The following ZBTB10 variants were observed in gnomAD, a reference collection of about 807,000 sequenced individuals.
ZBTB10 encodes zinc finger and BTB domain containing 10.
ZBTB10 carries 32 observed loss-of-function variants against 76.4 expected under a neutral mutation model. The ratio of observed to expected loss-of-function variants is 0.42; its 90% CI spans 0.32 to 0.56. ZBTB10 has a LOEUF of 0.56. Ranked by LOEUF, ZBTB10 falls within the 20% of genes least tolerant of loss-of-function variation. The pLI, the probability that ZBTB10 is intolerant of heterozygous loss-of-function variation, is 0.14. For missense variants in ZBTB10, 1,057 were observed against 1,098.5 expected, an observed-to-expected ratio of 0.96 and a Z score of 0.53; for synonymous variants, 523 against 432.9, an observed-to-expected ratio of 1.21 and a Z score of -2.58.
chr8:80,511,698 A>G (rs1048677786), intron 2 of ZBTB10, among the ~76,000 whole-genome samples: 1 of 152,162 alleles, frequency 6.6e-6, no homozygotes, highest in Non-Finnish European at 1.5e-5. Context: ...AAACCACTAA[A>G]TTTCAATTAA....
In ZBTB10 at chr8:80,487,188, A is replaced by AGGCGGC. The variant is rs756056859; in HGVS notation, c.387_392dup (p.Gly131_Gly132dup). The AGGCGGC allele has an allele frequency of 3.3e-6, 5 of 1,523,736 alleles. No homozygotes were observed. The highest frequency in any genetic ancestry group is 2.8e-5 in the African/African-American group (2 of 70,430). The allele number at this position is 1,523,736 out of a possible 1,614,324, so 94.4% of individuals were successfully genotyped here. A position where few individuals can be genotyped will look rare whatever the true frequency, so the allele number is the denominator to read the frequency against. On this transcript the variant is annotated inframe_insertion, in exon 1 of 6. Coordinates refer to ENST00000455036, the MANE Select transcript of ZBTB10 (RefSeq NM_001105539.3). ...GGAACCGTCGGACTCTGGCCTTCCG[A>AGGCGGC]GGCGGCGGCGGCGGGGGTCTCGGCA...
chr8:80,515,195 C>G (rs565238473), intron 3 of ZBTB10, among the ~76,000 whole-genome samples: 1 of 152,186 alleles, frequency 6.6e-6, no homozygotes, highest in South Asian at 2.1e-4. Flanking sequence ...TATGAGCATG[C>G]ATGTTTCTAA....
At chr8:80,486,182 G>A, upstream of ZBTB10, 1 of 1,147,180 alleles carries the variant, frequency 8.7e-7, no homozygotes, top group Non-Finnish European at 1.1e-6. Context: ...CCCTCCAGCG[G>A]TTACTGCTAC....
chr8:80,513,068 T>C (rs760847424), intron 2 of ZBTB10, among the ~76,000 whole-genome samples: 1 of 152,300 alleles, frequency 6.6e-6, no homozygotes, highest in Admixed American at 6.5e-5. Context: ...TTCAGTATAC[T>C]TAATCTTTTC....
Position 80,521,809 on chromosome 8 carries a change from T to C in ZBTB10, c.*2281T>C, listed in dbSNP as rs1816455144. 6.6e-6 allele frequency: 1 copy of C among 151,834 alleles called. No homozygotes were observed. Among genetic ancestry groups the C allele is most frequent in the Non-Finnish European group, 1.5e-5 (1 of 67,766 alleles). 9.4% of individuals were successfully genotyped at this position (151,834 alleles called of 1,614,324 possible). The stretch of plus-strand genomic sequence containing the variant: ...TTGTTGTGCTTTTGTTTGGTTTTAG[T>C]TGGAAATAAGGTTTGATGTAGATGG... On this transcript the variant is annotated 3_prime_UTR_variant, in exon 6 of 6. Transcript: ENST00000455036.
At position 80,518,997 on chromosome 8, in the gene ZBTB10, T is replaced by C. The variant is rs764502992; in HGVS notation, c.2310+43T>C. 3.3e-6 allele frequency: 5 copies of C among 1,534,434 alleles called. No individual in the cohort carries two copies. The African/African-American group carries it at 6.9e-5, about 21-fold the overall frequency. On this transcript the variant is annotated intron_variant, in intron 5 of 5. Transcript: ENST00000455036. ...CAGCTGATCTTTGAGATAAACTATA[T>C]TTATGTCAGTGAAGTTTAAAGGGAT...
chr8:80,490,110 C>T (rs61211411), intron 1 of ZBTB10, among the ~76,000 whole-genome samples: 4 of 152,148 alleles, frequency 2.6e-5, no homozygotes, highest in African/African-American at 9.7e-5. Flanking sequence ...GTAATGTAAG[C>T]GCCTACTTGG....
chr8:80,491,276 C>T (rs1292328782), intron 1 of ZBTB10, among the ~76,000 whole-genome samples: 1 of 152,122 alleles, frequency 6.6e-6, no homozygotes, highest in South Asian at 2.1e-4. Flanking sequence ...GTATTCCTTA[C>T]AGTAACATAG....
intron 1 of ZBTB10, among the ~76,000 whole-genome samples, chr8:80,489,863 A>G (rs548716621): frequency 2.0e-5 from 3 of 152,164 alleles, no homozygotes; most frequent in South Asian, 4.1e-4. Context: ...CCTTGATTGG[A>G]TTTTGGGTGT....
At position 80,499,541 on chromosome 8, in the gene ZBTB10, G is replaced by A. The variant is rs1477856134; in HGVS notation, c.1020G>A (p.Arg340=). 3.1e-6 allele frequency: 5 copies of A among 1,613,556 alleles called. No homozygotes were observed. The highest frequency in any genetic ancestry group is 2.2e-5 in the East Asian group (1 of 44,872). ...SEEGYCDFNS[R]PNENSYCYQL... is the part of the protein sequence containing the mutation. Reference sequence around the variant, plus strand: ...AGGGGTACTGTGACTTTAATAGTAGGCCAAATGAGAACTCTTATTGCTATC... The same window carrying A: ...AGGGGTACTGTGACTTTAATAGTAGACCAAATGAGAACTCTTATTGCTATC... Residue 340 remains arginine (R), a synonymous_variant, in exon 2 of 6, where the codon AGG becomes AGA. Transcript: ENST00000455036.
intron 1 of ZBTB10, among the ~76,000 whole-genome samples, chr8:80,494,033 T>C (rs1815718348): frequency 6.6e-6 from 1 of 152,216 alleles, no homozygotes; most frequent in African/African-American, 2.4e-5. Context: ...TAGCATGTAT[T>C]TGGCAAAACT....
At chr8:80,501,676 A>ATGTG (rs35555021) in intron 2 of ZBTB10, among the ~76,000 whole-genome samples, 3 of 151,038 alleles carry the variant, frequency 2.0e-5, no homozygotes, top group Admixed American at 6.6e-5. Context: ...TTGTGTATGT[A>ATGTG]TGTGTGTGTG....
chr8:80,494,530 T>C (rs1341431730), intron 1 of ZBTB10, among the ~76,000 whole-genome samples: 4 of 152,154 alleles, frequency 2.6e-5, no homozygotes, highest in Non-Finnish European at 4.4e-5. Flanking sequence ...TCTGATGATT[T>C]TTAGACTATT....
Position 80,519,396 on chromosome 8 carries a change from C to T in ZBTB10, c.2484C>T (p.Phe828=), listed in dbSNP as rs753913723. 40 of 1,588,708 alleles carry T rather than the reference C, an allele frequency of 2.5e-5. No homozygotes were observed. The highest frequency in any genetic ancestry group is 3.2e-5 in the Non-Finnish European group (37 of 1,168,014). ...TAGATCAGGGACAGGATACAGAATT[C>T]CCTCGGGATGAAGAATACGAGGAGA... ...EGVDQGQDTE[F]PRDEEYEENE... Residue 828 remains phenylalanine (F), a synonymous_variant, in exon 6 of 6, where the codon TTC becomes TTT. Coordinates refer to ENST00000455036, the MANE Select transcript of ZBTB10 (RefSeq NM_001105539.3).
intron 1 of ZBTB10, among the ~76,000 whole-genome samples, chr8:80,488,848 A>G (rs1815552183): frequency 6.6e-6 from 1 of 152,136 alleles, no homozygotes; most frequent in Non-Finnish European, 1.5e-5. Context: ...TATTCTGTTT[A>G]TTGGAATGAT....
chr8:80,517,871 CTTTTT>C (rs773074047), intron 3 of ZBTB10, among the ~76,000 whole-genome samples: 9 of 76,840 alleles, frequency 1.2e-4, no homozygotes, highest in South Asian at 1.2e-3. Flanking sequence ...CGCCCGCCAC[CTTTTT>C]TTTTTTTTTT....
At position 80,519,601 on chromosome 8, in the gene ZBTB10, G is replaced by A. The variant is rs529697436; in HGVS notation, c.*73G>A. ...ATCGACAATTTGGATTGTTGAACTTGAAGGCTTGCAAAATATGGTACATGC... is the reference window on the plus strand; with the variant it reads ...ATCGACAATTTGGATTGTTGAACTTAAAGGCTTGCAAAATATGGTACATGC... On this transcript the variant is annotated 3_prime_UTR_variant, in exon 6 of 6. Coordinates refer to ENST00000455036, the MANE Select transcript of ZBTB10 (RefSeq NM_001105539.3). 3.8e-5 allele frequency: 55 copies of A among 1,436,258 alleles called. No homozygotes were observed. In the African/African-American group the frequency reaches 7.6e-4, roughly 20 times the overall value. 89.0% of individuals were successfully genotyped at this position (1,436,258 alleles called of 1,614,324 possible).
At chr8:80,496,796 C>T (rs1467531531) in intron 1 of ZBTB10, among the ~76,000 whole-genome samples, 1 of 152,184 alleles carries the variant, frequency 6.6e-6, no homozygotes, top group Non-Finnish European at 1.5e-5. Flanking sequence ...CATGCTAATT[C>T]ACTGCTTCCA....
rs1341501854 is a variant in ZBTB10 at position 80,487,618 on chromosome 8, A to T, written c.808A>T (p.Met270Leu). ...WLRYSKDTGL[M>L]SCGWCQKTPA... ...GCGCTATTCCAAGGATACTGGTCTT[A>T]TGTCTTGCGGCTGGTGCCAAAAGAC... The change falls in exon 1 of 6, where the codon ATG (methionine) becomes TTG (leucine). Residue 270 changes from methionine (M) to leucine (L), a missense_variant. Around this residue, in one of 5 missense-constraint regions of ZBTB10, gnomAD observed 556 missense variants for 451.7 expected, o/e 1.23. Transcript: ENST00000455036. 1 of 1,613,914 alleles carries T rather than the reference A, an allele frequency of 6.2e-7. No homozygotes were observed.
Sources: allele counts gnomAD v4.1 joint callset (sites outside exome capture counted in the v4.1 genomes callset), GRCh38; gene constraint gnomAD v4.1.1; regional missense constraint gnomAD v4.1.1; transcripts MANE v1.5; gene names NCBI Gene and HGNC (gene_info 2026-07-23, HGNC 2026-07-21).